VPS53: variants seen among roughly 807,000 people sequenced by gnomAD.
VPS53 encodes VPS53 subunit of GARP complex.
A neutral mutation model predicts 107.0 loss-of-function variants in VPS53; 70 were observed. The observed-to-expected ratio is 0.65, with a 90% CI of 0.54 to 0.80. VPS53 has a LOEUF of 0.80. Among genes scored for constraint, VPS53 ranks in the 30% least tolerant of loss-of-function variants. The probability of loss-of-function intolerance (pLI) is 0.00; values close to 1 mark genes in which losing one functional copy is unlikely to be tolerated. For missense variants in VPS53, 917 were observed against 1,049.4 expected, an observed-to-expected ratio of 0.87 and a Z score of 1.74; for synonymous variants, 409 against 393.3, an observed-to-expected ratio of 1.04 and a Z score of -0.47.
In VPS53 at chr17:679,651, G is replaced by A. The variant is rs1215573510; in HGVS notation, c.286-17756C>T. On this transcript the variant is annotated intron_variant, in intron 4 of 21. Coordinates refer to ENST00000437048, the MANE Select transcript of VPS53 (RefSeq NM_001128159.3). ...AAAATCAACTCAAGAAGTGGAAGAT[G>A]TAACTATAACCACAGAAATAACAGA... Among the ~76,000 whole-genome samples the A allele has an allele frequency of 2.0e-5, 3 of 152,194 alleles. No homozygotes were observed. The East Asian group carries it at 5.8e-4, about 29-fold the overall frequency.
chr17:694,345 G>A (rs772396519), intron 4 of VPS53, among the ~76,000 whole-genome samples: 3 of 152,134 alleles, frequency 2.0e-5, no homozygotes, highest in Admixed American at 6.5e-5. Context: ...GCAGACTGTC[G>A]AATTCTGGGT....
At chr17:640,385 T>C (rs1170504990) in intron 7 of VPS53, among the ~76,000 whole-genome samples, 4 of 152,154 alleles carry the variant, frequency 2.6e-5, no homozygotes, top group Non-Finnish European at 5.9e-5. Context: ...CAGCTCATGT[T>C]TGGTGGGCTG....
rs1040091429 is a variant in VPS53 at position 566,720 on chromosome 17, G to GT, written c.1314-3976dup. ...CAGGGACCAGAGCTCTGACATGGGT[G>GT]TTTTTTTTGTTTTTTTTTGTTTTTG... On this transcript the variant is annotated intron_variant, in intron 13 of 21. Coordinates refer to ENST00000437048, the MANE Select transcript of VPS53 (RefSeq NM_001128159.3). 1.2e-4 allele frequency among the ~76,000 whole-genome samples: 18 copies of GT among 151,294 alleles called. No individual in the cohort carries two copies. The South Asian group carries it at 1.3e-3, about 11-fold the overall frequency.
chr17:594,076 G>A (rs367759481), intron 12 of VPS53, among the ~76,000 whole-genome samples: 61 of 151,846 alleles, frequency 4.0e-4, no homozygotes, highest in African/African-American at 1.4e-3. Context: ...ACCAAACACC[G>A]CATATTCTCA....
chr17:525,149 TAGTA>T (rs1909034876), intron 19 of VPS53, among the ~76,000 whole-genome samples: 1 of 151,946 alleles, frequency 6.6e-6, no homozygotes, highest in South Asian at 2.1e-4. Context: ...TCTCAGAAAA[TAGTA>T]AGTTGGGCAA....
intron 17 of VPS53, among the ~76,000 whole-genome samples, chr17:544,260 G>A (rs552328103): frequency 2.0e-5 from 3 of 152,254 alleles, no homozygotes; most frequent in South Asian, 2.1e-4. Flanking sequence ...ATGAACACTC[G>A]TGTGGACCCA....
Position 713,288 on chromosome 17 carries a change from A to T in VPS53, c.87+1335T>A, listed in dbSNP as rs889801176. ...ATCATAAATCCCTTTCTTAAATCAT[A>T]TAACTTCATGACAATTCCTTTAAGG... is the stretch of plus-strand genomic sequence containing the variant. On this transcript the variant is annotated intron_variant, in intron 1 of 21. Transcript: ENST00000437048. Among the ~76,000 whole-genome samples, 4 of 152,306 alleles carry T rather than the reference A, an allele frequency of 2.6e-5. No individual in the cohort carries two copies. The East Asian group carries it at 7.7e-4, about 29-fold the overall frequency.
intron 11 of VPS53, among the ~76,000 whole-genome samples, chr17:615,320 G>A (rs1210815365): frequency 6.6e-6 from 1 of 152,208 alleles, no homozygotes; most frequent in Non-Finnish European, 1.5e-5. Context: ...TGAAGTCACA[G>A]CTCTTGAAAA....
At chr17:551,301 T>G (rs1911797728) in intron 17 of VPS53, among the ~76,000 whole-genome samples, 1 of 151,936 alleles carries the variant, frequency 6.6e-6, no homozygotes, top group Non-Finnish European at 1.5e-5. Flanking sequence ...GCACTGTGGC[T>G]CATGCCTGTA....
intron 4 of VPS53, among the ~76,000 whole-genome samples, chr17:693,527 G>T (rs1040696589): frequency 6.6e-6 from 1 of 152,100 alleles, no homozygotes; most frequent in African/African-American, 2.4e-5. Flanking sequence ...TTCAAGACCA[G>T]CCCGGGCAAC....
chr17:555,930 T>C (rs1294589928), intron 15 of VPS53, among the ~76,000 whole-genome samples: 1 of 152,082 alleles, frequency 6.6e-6, no homozygotes, highest in Admixed American at 6.5e-5. Context: ...ACAGTTTCTT[T>C]AAGAAAAGAT....
In VPS53 at chr17:711,786, T is replaced by C. The variant is rs529697499; in HGVS notation, c.88-1173A>G. On this transcript the variant is annotated intron_variant, in intron 1 of 21. Transcript: ENST00000437048. ...AAAAAAACTAACAGCCCTAGACTTA[T>C]CAGAGATGCATACGTGGTACTTCAT... Among the ~76,000 whole-genome samples the C allele has an allele frequency of 9.9e-4, 150 of 151,080 alleles. 1 individual carries two copies. Among genetic ancestry groups the C allele is most frequent in the African/African-American group, 3.4e-3 (139 of 41,210 alleles).
intron 11 of VPS53, among the ~76,000 whole-genome samples, chr17:612,109 C>T (rs1378055789): frequency 2.6e-5 from 4 of 151,426 alleles, no homozygotes; most frequent in Admixed American, 2.6e-4. Context: ...AAAACCTGTA[C>T]AGATACTCAC....
At chr17:598,721 C>G (rs1191390286) in intron 12 of VPS53, among the ~76,000 whole-genome samples, 1 of 114,376 alleles carries the variant, frequency 8.7e-6, no homozygotes, top group Non-Finnish European at 2.0e-5. Flanking sequence ...GACCCTCTGC[C>G]CGGCAACCGC....
chr17:696,070 C>T (rs1025232785), intron 4 of VPS53, among the ~76,000 whole-genome samples: 4 of 151,946 alleles, frequency 2.6e-5, no homozygotes, highest in Admixed American at 6.6e-5. Context: ...AACGAGGTAA[C>T]GAGGGCTAAA....
chr17:569,240 C>G (rs941032591), intron 13 of VPS53, among the ~76,000 whole-genome samples: 7 of 152,256 alleles, frequency 4.6e-5, no homozygotes, highest in African/African-American at 1.7e-4. Context: ...ACTAAAATAA[C>G]AACGACAAAT....
At chr17:636,922 C>T (rs527261675) in intron 7 of VPS53, among the ~76,000 whole-genome samples, 9 of 152,272 alleles carry the variant, frequency 5.9e-5, no homozygotes, top group Admixed American at 4.6e-4. Context: ...CAGGATGATG[C>T]TGGTCTCATA....
chr17:687,883 C>T (rs1328279633), intron 4 of VPS53, among the ~76,000 whole-genome samples: 1 of 152,084 alleles, frequency 6.6e-6, no homozygotes, highest in South Asian at 2.1e-4. Context: ...ACAGCAGAGA[C>T]AAAATTTAAA....
intron 4 of VPS53, among the ~76,000 whole-genome samples, chr17:695,667 G>A (rs906735993): frequency 2.0e-5 from 3 of 151,870 alleles, no homozygotes; most frequent in South Asian, 2.1e-4. Context: ...TTCCTGTCTC[G>A]GCCTCCTCAG....
Sources: allele counts gnomAD v4.1 joint callset (sites outside exome capture counted in the v4.1 genomes callset), GRCh38; gene constraint gnomAD v4.1.1; transcripts MANE v1.5; gene names NCBI Gene and HGNC (gene_info 2026-07-23, HGNC 2026-07-21).